Variants in PHF21B observed in about 807,000 individuals in gnomAD.
PHF21B encodes PHD finger protein 4.
PHF21B carries 22 observed loss-of-function variants against 62.2 expected under a neutral mutation model. The observed-to-expected ratio is 0.35, with a 90% CI of 0.25 to 0.51. The LOEUF is 0.51. Among genes scored for constraint, PHF21B ranks in the 20% least tolerant of loss-of-function variants. The pLI is 0.97. For missense variants in PHF21B, 701 were observed against 707.9 expected, an observed-to-expected ratio of 0.99 and a Z score of 0.11; for synonymous variants, 341 against 314.7, an observed-to-expected ratio of 1.08 and a Z score of -0.88.
intron 2 of PHF21B, among the ~76,000 whole-genome samples, chr22:44,962,642 C>T (rs2072446513): frequency 6.6e-6 from 1 of 152,190 alleles, no homozygotes; most frequent in Admixed American, 6.5e-5. Context: ...ACCACACATC[C>T]TACTGGCTGT....
chr22:44,894,109 C>T (rs571979831), intron 6 of PHF21B, among the ~76,000 whole-genome samples: 1 of 152,358 alleles, frequency 6.6e-6, no homozygotes, highest in South Asian at 2.1e-4. Context: ...GCTGTGCTAG[C>T]GTCTTCTAAT....
At chr22:44,995,260 C>G (rs2073101693) in intron 2 of PHF21B, among the ~76,000 whole-genome samples, 1 of 152,192 alleles carries the variant, frequency 6.6e-6, no homozygotes, top group African/African-American at 2.4e-5. Context: ...CTGCCAGACT[C>G]TTCTCCCTTC....
chr22:44,902,734 A>C (rs1055732717), intron 5 of PHF21B, among the ~76,000 whole-genome samples: 11 of 152,172 alleles, frequency 7.2e-5, no homozygotes, highest in African/African-American at 2.7e-4. Flanking sequence ...TTTTTTTAAA[A>C]AATCACAGCA....
In PHF21B at chr22:44,941,201, C is replaced by T. The variant is rs1016449192; in HGVS notation, c.121-20711G>A. 7.2e-5 allele frequency among the ~76,000 whole-genome samples: 11 copies of T among 152,190 alleles called. 1 individual carries two copies. The highest frequency in any genetic ancestry group is 5.2e-4 in the Admixed American group (8 of 15,280). ...GACCACCCAGCTACCAGTCAGCCAA[C>T]ACCCAGAGGAAGATTCCCAGTCAGC... On this transcript the variant is annotated intron_variant, in intron 2 of 12. Transcript: ENST00000313237.
At chr22:44,912,941 G>A (rs2071370467) in intron 5 of PHF21B, among the ~76,000 whole-genome samples, 1 of 150,944 alleles carries the variant, frequency 6.6e-6, no homozygotes, top group Non-Finnish European at 1.5e-5. Context: ...GGTGGGAAGG[G>A]TTGAATGGAA....
intron 5 of PHF21B, among the ~76,000 whole-genome samples, chr22:44,907,493 C>T (rs1370039218): frequency 2.6e-5 from 4 of 152,170 alleles, no homozygotes; most frequent in African/African-American, 7.2e-5. Context: ...GGGATGTACA[C>T]GGCCTGGGAG....
intron 2 of PHF21B, among the ~76,000 whole-genome samples, chr22:44,943,425 G>A (rs1170774243): frequency 6.6e-6 from 1 of 152,228 alleles, no homozygotes; most frequent in East Asian, 1.9e-4. Flanking sequence ...TCCCAGGGAA[G>A]TACCAGGGAA....
In PHF21B at chr22:44,914,037, G is replaced by A; in HGVS notation, c.616C>T (p.Leu206Phe). The change falls in exon 5 of 13, where the codon CTC becomes TTC. Residue 206 changes from leucine (L) to phenylalanine (F), a missense_variant. By Grantham distance (22) the Leu-to-Phe change is conservative (BLOSUM62 0). Coordinates refer to ENST00000313237, the MANE Select transcript of PHF21B (RefSeq NM_138415.5). The stretch of plus-strand genomic sequence containing the variant: ...GTGAGGGGAAGAGAGGAGGGGTGGA[G>A]GGGACAGTGATGGGTTGCGGGGTGA... ...SPHPATHHCPLHPSSLPLTPP... is the reference protein window; with the variant it reads ...SPHPATHHCPFHPSSLPLTPP... The A allele has an allele frequency of 1.4e-6, 2 of 1,392,280 alleles. No individual in the cohort carries two copies. The highest frequency in any genetic ancestry group is 1.4e-5 in the African/African-American group (1 of 70,072). The allele number at this position is 1,392,280 out of a possible 1,614,324, so 86.2% of individuals were successfully genotyped here.
intron 4 of PHF21B, 41 bp from the exon 5 acceptor site, chr22:44,914,129 G>T: frequency 1.6e-6 from 1 of 611,044 alleles, no homozygotes; most frequent in Non-Finnish European, 2.8e-6. Flanking sequence ...GAAGGGAAGA[G>T]TGAGGGGGGC....
intron 2 of PHF21B, chr22:44,971,402 T>C (rs538074888): frequency 1.3e-5 from 2 of 151,938 alleles, no homozygotes; most frequent in Admixed American, 1.3e-4. Context: ...CCATTCGGGG[T>C]AGGCAGCAGA....
At chr22:44,956,992 G>A (rs2072311813) in intron 2 of PHF21B, among the ~76,000 whole-genome samples, 1 of 152,184 alleles carries the variant, frequency 6.6e-6, no homozygotes, top group African/African-American at 2.4e-5. Context: ...TCAGTCCTGG[G>A]CTCCATCCTC....
intron 2 of PHF21B, among the ~76,000 whole-genome samples, chr22:44,987,314 A>C (rs1039956199): frequency 3.0e-5 from 4 of 132,688 alleles, no homozygotes; most frequent in South Asian, 3.0e-4. Context: ...GGTGAGAAGG[A>C]AGGCCAGTGG....
chr22:44,961,103 C>T (rs780836738), intron 2 of PHF21B, among the ~76,000 whole-genome samples: 7 of 151,264 alleles, frequency 4.6e-5, no homozygotes, highest in Non-Finnish European at 8.8e-5. Context: ...ATTACAGGTA[C>T]GCGCCACCAC....
chr22:44,968,182 CT>C (rs2072566659), intron 2 of PHF21B, among the ~76,000 whole-genome samples: 1 of 152,122 alleles, frequency 6.6e-6, no homozygotes, highest in Non-Finnish European at 1.5e-5. Flanking sequence ...CCCCTCCCTC[CT>C]TGAGGGCGGA....
intron 10 of PHF21B, among the ~76,000 whole-genome samples, chr22:44,887,026 C>A (rs1485587033): frequency 6.6e-6 from 1 of 151,762 alleles, no homozygotes. Flanking sequence ...AGTGGTGGCG[C>A]ATGCCTGTAA....
intron 2 of PHF21B, among the ~76,000 whole-genome samples, chr22:44,932,055 G>A (rs559943705): frequency 3.7e-4 from 56 of 152,356 alleles, no homozygotes; most frequent in African/African-American, 1.3e-3. Flanking sequence ...AGGCCTTGGA[G>A]AGGGTGGGTG....
In PHF21B at chr22:44,899,687, G is replaced by A. The variant is rs567634149; in HGVS notation, c.832-3604C>T. Among the ~76,000 whole-genome samples, 8 of 150,756 alleles carry A rather than the reference G, an allele frequency of 5.3e-5. No individual in the cohort carries two copies. In the South Asian group the frequency reaches 6.3e-4, roughly 12 times the overall value. ...TTCTCCTCTTCTTCTGTCTTAAGGG[G>A]TTTTAAATTTTTCCTTAAATATTGA... On this transcript the variant is annotated intron_variant, in intron 5 of 12. Transcript: ENST00000313237.
intron 2 of PHF21B, among the ~76,000 whole-genome samples, chr22:44,956,820 G>C (rs922951376): frequency 2.6e-5 from 4 of 152,162 alleles, no homozygotes; most frequent in African/African-American, 9.7e-5. Flanking sequence ...CCCTCCACGC[G>C]GTGGGCTCTC....
intron 2 of PHF21B, among the ~76,000 whole-genome samples, chr22:44,960,029 G>A (rs1259015410): frequency 2.6e-5 from 4 of 152,204 alleles, no homozygotes; most frequent in East Asian, 1.9e-4. Context: ...AGCACCGGAC[G>A]TGTCTCTAGT....
Sources: gnomAD v4.1 joint callset for allele counts (sites outside exome capture counted in the v4.1 genomes callset) on GRCh38, gnomAD v4.1.1 for gene constraint, MANE v1.5 for transcripts, NCBI Gene and HGNC (gene_info 2026-07-23, HGNC 2026-07-21) for gene names.